Variants in NBEA observed in about 807,000 individuals in gnomAD.
The protein encoded by NBEA is neurobeachin, also known as lysosomal-trafficking regulator 2.
NBEA carries 44 observed loss-of-function variants against 343.4 expected under a neutral mutation model. The ratio of observed to expected loss-of-function variants is 0.13; its 90% CI spans 0.10 to 0.16. The LOEUF (loss-of-function observed/expected upper bound fraction) is 0.16, where lower values mean the gene tolerates loss of function less well. NBEA is among the 10% of genes least tolerant of loss of function. NBEA has a pLI of 1.00. For synonymous variants in NBEA, 1,175 were observed against 1,238.7 expected, an observed-to-expected ratio of 0.95 and a Z score of 1.08; for missense variants, 2,555 against 3,631.3, an observed-to-expected ratio of 0.70 and a Z score of 7.62.
chr13:35,131,156 C>T (rs1286845530), intron 17 of NBEA, among the ~76,000 whole-genome samples: 2 of 151,882 alleles, frequency 1.3e-5, no homozygotes, highest in East Asian at 1.9e-4. Context: ...AACAGAGTAA[C>T]GGCAAGGCCA....
chr13:35,208,612 G>A (rs1466899548), intron 31 of NBEA, 88 bp from the exon 32 acceptor site: 9 of 1,153,740 alleles, frequency 7.8e-6, no homozygotes, highest in African/African-American at 1.6e-5. Context: ...GGAGAAATTC[G>A]ATGTTGACTA....
chr13:35,382,552 T>C (rs777317542), intron 38 of NBEA, among the ~76,000 whole-genome samples: 5 of 152,088 alleles, frequency 3.3e-5, no homozygotes, highest in Admixed American at 6.6e-5. Context: ...AAAACATTAA[T>C]TGCACATAAC....
At chr13:35,428,371 G>T (rs896592680) in intron 38 of NBEA, among the ~76,000 whole-genome samples, 1 of 152,024 alleles carries the variant, frequency 6.6e-6, no homozygotes, top group African/African-American at 2.4e-5. Flanking sequence ...GCTAAATGTT[G>T]TGCTCCACAG....
In NBEA at chr13:35,475,311, A is replaced by G; in HGVS notation, c.6585+2775A>G. 1.2e-6 allele frequency: 2 copies of G among 1,614,008 alleles called. No individual in the cohort carries two copies. The highest frequency in any genetic ancestry group is 1.7e-6 in the Non-Finnish European group (2 of 1,180,004). The stretch of plus-strand genomic sequence containing the variant: ...GCTTTTCACACTCGTAGGAAACCAG[A>G]GTCTTCATATGGTAATTGTTCAAGG... On this transcript the variant is annotated intron_variant, in intron 41 of 58. Transcript: ENST00000379939.
intron 41 of NBEA, among the ~76,000 whole-genome samples, chr13:35,526,068 T>C (rs1466181627): frequency 6.6e-6 from 1 of 152,220 alleles, no homozygotes; most frequent in African/African-American, 2.4e-5. Context: ...CAGTTCTAAG[T>C]CTTTCCTTCC....
intron 35 of NBEA, among the ~76,000 whole-genome samples, chr13:35,297,917 T>C (rs570122012): frequency 6.6e-6 from 1 of 151,874 alleles, no homozygotes; most frequent in African/African-American, 2.4e-5. Flanking sequence ...ATTCACAATG[T>C]TATGTAACCA....
At chr13:35,386,436 CT>C (rs1362759028) in intron 38 of NBEA, among the ~76,000 whole-genome samples, 2 of 152,078 alleles carry the variant, frequency 1.3e-5, no homozygotes, top group Non-Finnish European at 2.9e-5. Context: ...CTTAATGCCA[CT>C]TTTAGCTGTT....
Position 34,943,170 on chromosome 13 carries a change from C to T in NBEA, c.294+56C>T. 5 of 1,592,738 alleles carry T rather than the reference C, an allele frequency of 3.1e-6. No individual in the cohort carries two copies. The South Asian group carries it at 4.4e-5, about 14-fold the overall frequency. ...CCCCAGTCCCCACATACACCGTCCC[C>T]AGCGCCTTTCCCTCCCACCCTTCAC... On this transcript the variant is annotated intron_variant, in intron 1 of 58. Transcript: ENST00000379939.
chr13:35,367,222 A>C (rs888620584), intron 38 of NBEA, among the ~76,000 whole-genome samples: 1 of 151,264 alleles, frequency 6.6e-6, no homozygotes. Context: ...CTTAGGTAGA[A>C]ACCTAACAAA....
At chr13:35,414,482 T>C (rs1254921582) in intron 38 of NBEA, among the ~76,000 whole-genome samples, 2 of 151,544 alleles carry the variant, frequency 1.3e-5, no homozygotes, top group Non-Finnish European at 2.9e-5. Flanking sequence ...CATGTGGTGG[T>C]TGGTTTTCGG....
intron 13 of NBEA, among the ~76,000 whole-genome samples, chr13:35,115,489 C>T (rs2066448718): frequency 6.6e-6 from 1 of 151,972 alleles, no homozygotes; most frequent in Non-Finnish European, 1.5e-5. Flanking sequence ...TACGTTATTT[C>T]TTTTCTTTAC....
At chr13:35,214,920 T>C (rs1428454362) in intron 33 of NBEA, among the ~76,000 whole-genome samples, 1 of 151,774 alleles carries the variant, frequency 6.6e-6, no homozygotes, top group Non-Finnish European at 1.5e-5. Flanking sequence ...TGTATATTAA[T>C]GTTTTAGTAC....
chr13:35,610,973 T>C (rs542994478), intron 48 of NBEA, among the ~76,000 whole-genome samples: 2 of 151,418 alleles, frequency 1.3e-5, no homozygotes, highest in East Asian at 3.9e-4. Flanking sequence ...AATCCACAAA[T>C]TAAAATTAAT....
At chr13:35,373,041 G>A (rs1342202462) in intron 38 of NBEA, among the ~76,000 whole-genome samples, 13 of 152,124 alleles carry the variant, frequency 8.5e-5, no homozygotes, top group Admixed American at 7.2e-4. Flanking sequence ...CAAGGGACTC[G>A]CCTGAATCTA....
At chr13:35,309,124 G>A (rs944941925) in intron 35 of NBEA, among the ~76,000 whole-genome samples, 5 of 151,922 alleles carry the variant, frequency 3.3e-5, no homozygotes, top group African/African-American at 1.2e-4. Flanking sequence ...TATATTTCTA[G>A]TATTCATTTT....
At chr13:35,111,055 G>A in intron 13 of NBEA, 77 bp downstream of exon 13, 1 of 1,162,142 alleles carries the variant, frequency 8.6e-7, no homozygotes, top group Non-Finnish European at 1.2e-6. Context: ...AGTGAGCAGT[G>A]TACATGACTA....
chr13:35,481,539 A>G (rs1015655034), intron 41 of NBEA, among the ~76,000 whole-genome samples: 6 of 151,904 alleles, frequency 3.9e-5, no homozygotes, highest in Non-Finnish European at 7.4e-5. Flanking sequence ...AACCTTTTCC[A>G]AACATTTAAG....
intron 40 of NBEA, among the ~76,000 whole-genome samples, chr13:35,463,101 C>G (rs1255841696): frequency 6.6e-6 from 1 of 152,048 alleles, no homozygotes; most frequent in Non-Finnish European, 1.5e-5. Flanking sequence ...AATCAGATGC[C>G]CTGTGGCACA....
intron 30 of NBEA, among the ~76,000 whole-genome samples, chr13:35,187,387 C>T (rs1179759625): frequency 1.3e-5 from 2 of 151,492 alleles, no homozygotes; most frequent in African/African-American, 2.4e-5. Context: ...GGCTTTCTCT[C>T]GGTTTATTAC....
Sources: gnomAD v4.1 joint callset for allele counts (sites outside exome capture counted in the v4.1 genomes callset) on GRCh38, gnomAD v4.1.1 for gene constraint, MANE v1.5 for transcripts, NCBI Gene and HGNC (gene_info 2026-07-23, HGNC 2026-07-21) for gene names.